Variants in CCDC88C observed in about 807,000 individuals in gnomAD.
CCDC88C encodes the protein coiled-coil and HOOK domain protein 88C.
Under a neutral mutation model 198.8 loss-of-function variants are expected in CCDC88C, and 131 were observed. The observed-to-expected ratio is 0.66, with a 90% CI of 0.57 to 0.76. The LOEUF (loss-of-function observed/expected upper bound fraction) is 0.76. Among genes scored for constraint, CCDC88C ranks in the 30% least tolerant of loss-of-function variants. The pLI is 0.00. For missense variants in CCDC88C, 2,553 were observed against 2,631.6 expected (o/e 0.97, Z 0.65); for synonymous variants, 1,166 against 1,114.7 (o/e 1.05, Z -0.92).
At chr14:91,328,171 G>A (rs1391193869) in intron 10 of CCDC88C, among the ~76,000 whole-genome samples, 3 of 152,212 alleles carry the variant, frequency 2.0e-5, no homozygotes, top group African/African-American at 7.2e-5. Context: ...GAGACTTCCC[G>A]GAATGAATGG....
In CCDC88C at chr14:91,313,640, T is replaced by C. The variant is rs758924933; in HGVS notation, c.2176A>G (p.Met726Val). The change falls in exon 15 of 30, where the codon ATG becomes GTG. Residue 726 changes from methionine (M) to valine (V), a missense_variant. Transcript: ENST00000389857. This position sits in a 1 kb window ranked among gnomAD's most constrained non-coding sequence, Gnocchi z 5.2. ...MRFTSTKLAQMERENQQLERE... is the reference protein window; with the variant it reads ...MRFTSTKLAQVERENQQLERE... ...TCCAGCTGCTGGTTCTCCCTCTCCATCTGTGCCAGCTTGGTGCTGGTGAAG... is the reference window on the plus strand; with the variant it reads ...TCCAGCTGCTGGTTCTCCCTCTCCACCTGTGCCAGCTTGGTGCTGGTGAAG... 4.3e-6 allele frequency: 7 copies of C among 1,612,520 alleles called. No individual in the cohort carries two copies. The African/African-American group carries it at 8.0e-5, about 18-fold the overall frequency.
chr14:91,414,291 C>T (rs1258140245), intron 2 of CCDC88C, among the ~76,000 whole-genome samples: 1 of 152,172 alleles, frequency 6.6e-6, no homozygotes, highest in Non-Finnish European at 1.5e-5. Context: ...AGGTACTTTA[C>T]GTCCCATTTT....
At chr14:91,296,760 T>A (rs567253082) in intron 22 of CCDC88C, among the ~76,000 whole-genome samples, 5 of 152,328 alleles carry the variant, frequency 3.3e-5, no homozygotes, top group Non-Finnish European at 5.9e-5. Context: ...GGGTGAGACC[T>A]ACGTGCTCCT....
chr14:91,335,964 C>T (rs1026932952), intron 10 of CCDC88C, among the ~76,000 whole-genome samples: 2 of 152,188 alleles, frequency 1.3e-5, no homozygotes, highest in African/African-American at 4.8e-5. Flanking sequence ...TCATCACCTG[C>T]GTTGGCGGCT....
rs188297587 is a variant in CCDC88C at position 91,317,505 on chromosome 14, G to A, written c.1528-1718C>T. Among the ~76,000 whole-genome samples the A allele has an allele frequency of 3.3e-5, 5 of 152,330 alleles. No individual in the cohort carries two copies. In the East Asian group the frequency reaches 5.8e-4, roughly 18 times the overall value. ...AAGGGTTCACCTGTCAAATGCTGGC[G>A]AGCACCCTCTACGTGTCAGACTCTG... On this transcript the variant is annotated intron_variant, in intron 13 of 29. Coordinates refer to ENST00000389857, the MANE Select transcript of CCDC88C (RefSeq NM_001080414.4).
chr14:91,389,313 C>T (rs1885339805), intron 3 of CCDC88C, among the ~76,000 whole-genome samples: 1 of 152,172 alleles, frequency 6.6e-6, no homozygotes, highest in Non-Finnish European at 1.5e-5. Context: ...GCTCCATCCT[C>T]CTCCTGGCCT....
rs920074406 is a variant in CCDC88C at position 91,325,106 on chromosome 14, C to A, written c.1198-183G>T. 1.3e-5 allele frequency among the ~76,000 whole-genome samples: 2 copies of A among 152,168 alleles called. No homozygotes were observed. Among genetic ancestry groups the A allele is most frequent in the African/African-American group, 2.4e-5 (1 of 41,422 alleles). On this transcript the variant is annotated intron_variant, in intron 11 of 29. Coordinates refer to ENST00000389857, the MANE Select transcript of CCDC88C (RefSeq NM_001080414.4). The surrounding 1 kb of genome is among the most constrained non-coding windows in gnomAD (Gnocchi z 4.1). ...GGCCCTGCTATGAGAGGGAAAGCCA[C>A]TCAAAGGTACCCTGACCTGGCTACC...
At chr14:91,346,807 G>A (rs138664658) in intron 4 of CCDC88C, among the ~76,000 whole-genome samples, 32 of 152,276 alleles carry the variant, frequency 2.1e-4, no homozygotes, top group African/African-American at 7.5e-4. Context: ...GTTGAGGCAG[G>A]AGAATCACTT....
At chr14:91,307,891 A>C (rs1289262283) in intron 17 of CCDC88C, among the ~76,000 whole-genome samples, 1 of 152,246 alleles carries the variant, frequency 6.6e-6, no homozygotes, top group Admixed American at 6.5e-5. Context: ...GTATGTGTGG[A>C]GAACACACAT....
chr14:91,301,047 A>G (rs1411657269), intron 20 of CCDC88C, among the ~76,000 whole-genome samples: 1 of 152,212 alleles, frequency 6.6e-6, no homozygotes, highest in East Asian at 1.9e-4. Context: ...TTGGAAAAGC[A>G]CATTAATCAA....
intron 2 of CCDC88C, among the ~76,000 whole-genome samples, chr14:91,415,864 G>C (rs1301478065): frequency 6.6e-6 from 1 of 152,232 alleles, no homozygotes; most frequent in Non-Finnish European, 1.5e-5. Flanking sequence ...TCTCTCATTA[G>C]CTAATAGATT....
chr14:91,342,321 C>T (rs1893344917), intron 6 of CCDC88C, 59 bp downstream of exon 6: 1 of 1,102,076 alleles, frequency 9.1e-7, no homozygotes, highest in African/African-American at 1.6e-5. Context: ...AGTTTTGCCT[C>T]CCGGCCACCA....
In CCDC88C at chr14:91,364,523, C is replaced by T. The variant is rs1012606799; in HGVS notation, c.271-4812G>A. Among the ~76,000 whole-genome samples the T allele has an allele frequency of 4.6e-5, 7 of 152,228 alleles. No homozygotes were observed. In the East Asian group the frequency reaches 1.2e-3, roughly 25 times the overall value. On this transcript the variant is annotated intron_variant, in intron 3 of 29. Coordinates refer to ENST00000389857, the MANE Select transcript of CCDC88C (RefSeq NM_001080414.4). Reference sequence around the variant, plus strand: ...GTTGGGGGAGAGCAAGGCTGAAAAGCGCTTTGTAATCTCACAAGGGGAGAG... The same window carrying T: ...GTTGGGGGAGAGCAAGGCTGAAAAGTGCTTTGTAATCTCACAAGGGGAGAG...
At chr14:91,293,575 TTCCTGTCC>T (rs1567055965) in intron 23 of CCDC88C, among the ~76,000 whole-genome samples, 14 of 121,484 alleles carry the variant, frequency 1.2e-4, no homozygotes, top group Non-Finnish European at 1.2e-4. Context: ...ACGGCCCACC[TTCCTGTCC>T]CCTCGCCTGC....
intron 6 of CCDC88C, 35 bp downstream of exon 6, chr14:91,342,345 C>T: frequency 7.2e-7 from 1 of 1,382,412 alleles, no homozygotes. Flanking sequence ...GAGCAGCAGT[C>T]CACAGCTGAG....
chr14:91,392,581 A>G (rs1463260931), intron 3 of CCDC88C, among the ~76,000 whole-genome samples: 2 of 152,200 alleles, frequency 1.3e-5, no homozygotes, highest in Non-Finnish European at 2.9e-5. Context: ...CCCAGAGCCG[A>G]TAATAACCCA....
chr14:91,276,042 G>T (rs899896272), intron 29 of CCDC88C, among the ~76,000 whole-genome samples: 3 of 151,514 alleles, frequency 2.0e-5, no homozygotes, highest in Non-Finnish European at 4.4e-5. Context: ...GGATGGTCTC[G>T]ATCTCCTGAC....
intron 2 of CCDC88C, 23 bp from the exon 3 acceptor site, chr14:91,408,790 G>A (rs747097912): frequency 6.6e-7 from 1 of 1,515,824 alleles, no homozygotes; most frequent in South Asian, 1.1e-5. Context: ...ACACGAGAAT[G>A]GAAATTGCAT....
At chr14:91,297,930 A>G (rs938879379) in intron 21 of CCDC88C, among the ~76,000 whole-genome samples, 1 of 152,316 alleles carries the variant, frequency 6.6e-6, no homozygotes, top group African/African-American at 2.4e-5. Flanking sequence ...CTTCTTCCCA[A>G]TTCCAAGCCC....
Sources: allele counts gnomAD v4.1 joint callset (sites outside exome capture counted in the v4.1 genomes callset), GRCh38; gene constraint gnomAD v4.1.1; non-coding constraint Gnocchi (gnomAD v3.1); transcripts MANE v1.5; gene names NCBI Gene and HGNC (gene_info 2026-07-23, HGNC 2026-07-21).